The following SLC4A4 variants were observed in gnomAD, a reference collection of about 807,000 sequenced individuals.
SLC4A4 encodes the protein electrogenic sodium bicarbonate cotransporter 1.
A neutral mutation model predicts 111.5 loss-of-function variants in SLC4A4; 27 were observed. That is an observed-to-expected ratio of 0.24 (90% CI 0.18 to 0.33). The LOEUF (loss-of-function observed/expected upper bound fraction) is 0.33. SLC4A4 is among the 10% of genes least tolerant of loss of function. The pLI, the probability that SLC4A4 is intolerant of heterozygous loss-of-function variation, is 1.00. For missense variants in SLC4A4, 909 were observed against 1,315.5 expected (o/e 0.69, Z 4.78); for synonymous variants, 443 against 463.4 (o/e 0.96, Z 0.57).
chr4:71,075,709 C>G (rs1741793074), intron 1 of SLC4A4, among the ~76,000 whole-genome samples: 1 of 152,138 alleles, frequency 6.6e-6, no homozygotes, highest in Non-Finnish European at 1.5e-5. Flanking sequence ...GTGGCTCACG[C>G]CTGTAATCCC....
chr4:71,517,318 A>C lies in SLC4A4; in HGVS notation c.2167-14744A>C, dbSNP rs536888371. Among the ~76,000 whole-genome samples, 12 of 151,838 alleles carry C rather than the reference A, an allele frequency of 7.9e-5. 1 individual carries two copies. The highest frequency in any genetic ancestry group is 2.7e-4 in the African/African-American group (11 of 41,462). On this transcript the variant is annotated intron_variant, in intron 16 of 25. Transcript: ENST00000264485. ...TTTTCTCTACTGACTATATATTTTCAAATAACTTGTCTTTAAGTTCACAGA... is the reference window on the plus strand; with the variant it reads ...TTTTCTCTACTGACTATATATTTTCCAATAACTTGTCTTTAAGTTCACAGA...
intron 12 of SLC4A4, among the ~76,000 whole-genome samples, chr4:71,457,400 A>G (rs1327091780): frequency 2.0e-5 from 3 of 152,120 alleles, no homozygotes; most frequent in Non-Finnish European, 4.4e-5. Flanking sequence ...GACTTACAGA[A>G]TGGGTATTCA....
At chr4:71,138,239 A>G (rs1203650730) in intron 2 of SLC4A4, among the ~76,000 whole-genome samples, 1 of 152,178 alleles carries the variant, frequency 6.6e-6, no homozygotes, top group Non-Finnish European at 1.5e-5. Flanking sequence ...TATCACCTCT[A>G]TTAATATATT....
In SLC4A4 at chr4:71,472,735, G is replaced by T. The variant is rs1728000458; in HGVS notation, c.1668G>T (p.Trp556Cys). Residue 556 changes from tryptophan to cysteine, a missense_variant, in exon 14 of 26, where the codon TGG becomes TGT. Transcript: ENST00000264485. ...NNFDYLEFRLWIGLWSAFLCL... is the reference protein window; with the variant it reads ...NNFDYLEFRLCIGLWSAFLCL... The stretch of plus-strand genomic sequence containing the variant: ...TTGACTATTTGGAGTTTCGCCTTTG[G>T]ATTGGCCTGTGGTCCGCCTTCCTAT... 1.2e-6 allele frequency: 2 copies of T among 1,612,654 alleles called. No homozygotes were observed. Among genetic ancestry groups the T allele is most frequent in the Non-Finnish European group, 1.7e-6 (2 of 1,179,262 alleles).
Position 71,557,696 on chromosome 4 carries a change from C to T in SLC4A4, c.2764-16C>T. ...TGCAGTAATGCAGTTGGACTCCTTT[C>T]CTCTTTCCTCCCCAGTTCATGGATC... is the stretch of plus-strand genomic sequence containing the variant. On this transcript the variant is annotated splice_polypyrimidine_tract_variant and intron_variant, in intron 21 of 25. Coordinates refer to ENST00000264485, the MANE Select transcript of SLC4A4 (RefSeq NM_001098484.3). 6.2e-7 allele frequency: 1 copy of T among 1,612,214 alleles called. No individual in the cohort carries two copies. Among genetic ancestry groups the T allele is most frequent in the Non-Finnish European group, 8.5e-7 (1 of 1,178,894 alleles).
At chr4:71,340,124 T>G (rs1728774931) in intron 4 of SLC4A4, among the ~76,000 whole-genome samples, 1 of 151,860 alleles carries the variant, frequency 6.6e-6, no homozygotes, top group African/African-American at 2.4e-5. Context: ...CTCAGGAGGC[T>G]GAAGTAGGAG....
chr4:71,445,794 A>G (rs527822921), intron 8 of SLC4A4, among the ~76,000 whole-genome samples: 2 of 152,354 alleles, frequency 1.3e-5, no homozygotes, highest in East Asian at 1.9e-4. Context: ...CACTCAAATC[A>G]GTGATCAGTC....
intron 7 of SLC4A4, among the ~76,000 whole-genome samples, chr4:71,419,298 G>T (rs1248043723): frequency 6.6e-6 from 1 of 152,242 alleles, no homozygotes; most frequent in African/African-American, 2.4e-5. Context: ...GCCCCCAGAG[G>T]TGGAGCCTAC....
At chr4:71,115,075 C>T (rs1339104281) in intron 2 of SLC4A4, among the ~76,000 whole-genome samples, 1 of 147,656 alleles carries the variant, frequency 6.8e-6, no homozygotes, top group Non-Finnish European at 1.5e-5. Flanking sequence ...TCTCAGTAAA[C>T]TATCGCAAGA....
At chr4:71,529,617 C>G (rs1733742251) in intron 16 of SLC4A4, among the ~76,000 whole-genome samples, 1 of 152,026 alleles carries the variant, frequency 6.6e-6, no homozygotes, top group African/African-American at 2.4e-5. Context: ...TGACTTTGGT[C>G]AAGCAAGTCA....
intron 6 of SLC4A4, among the ~76,000 whole-genome samples, chr4:71,385,930 T>A (rs1256956610): frequency 6.6e-6 from 1 of 152,194 alleles, no homozygotes; most frequent in Non-Finnish European, 1.5e-5. Flanking sequence ...ATCTCTTTTT[T>A]TCTTAGTTAA....
At chr4:71,321,862 G>A (rs147262893) in intron 3 of SLC4A4, among the ~76,000 whole-genome samples, 56 of 152,028 alleles carry the variant, frequency 3.7e-4, no homozygotes, top group Admixed American at 1.5e-3. Context: ...CATAGCACAA[G>A]GCAAATGAAG....
At chr4:71,080,863 A>G (rs925619407) in intron 1 of SLC4A4, among the ~76,000 whole-genome samples, 1 of 152,002 alleles carries the variant, frequency 6.6e-6, no homozygotes, top group Admixed American at 6.5e-5. Flanking sequence ...TCCATTTAAA[A>G]CAGGCTCAGG....
At chr4:71,170,118 G>T (rs755282663) in intron 2 of SLC4A4, among the ~76,000 whole-genome samples, 15 of 152,134 alleles carry the variant, frequency 9.9e-5, no homozygotes, top group South Asian at 8.3e-4. Context: ...GGCCTTCCCT[G>T]TCCAGCCAAT....
intron 7 of SLC4A4, among the ~76,000 whole-genome samples, chr4:71,428,113 G>T (rs751509152): frequency 6.6e-6 from 1 of 152,104 alleles, no homozygotes; most frequent in African/African-American, 2.4e-5. Context: ...GGCAGAGGCC[G>T]GAACCTGGTA....
intron 6 of SLC4A4, among the ~76,000 whole-genome samples, chr4:71,377,972 A>G (rs1732570910): frequency 6.6e-6 from 1 of 152,156 alleles, no homozygotes; most frequent in South Asian, 2.1e-4. Flanking sequence ...ATATGGTAAG[A>G]GAAAATGAGG....
intron 2 of SLC4A4, among the ~76,000 whole-genome samples, chr4:71,165,880 G>GA (rs113771216): frequency 0.014 from 2,102 of 148,272 alleles, 45 homozygotes; most frequent in African/African-American, 0.048. Flanking sequence ...GGAAAGAAAT[G>GA]AAAAAAAAAA....
chr4:71,276,354 G>A (rs1238575447), intron 3 of SLC4A4, among the ~76,000 whole-genome samples: 1 of 152,144 alleles, frequency 6.6e-6, no homozygotes, highest in African/African-American at 2.4e-5. Flanking sequence ...ATATAATTTT[G>A]TCATGTATAC....
At chr4:71,212,923 T>C (rs763845270) in intron 1 of SLC4A4, among the ~76,000 whole-genome samples, 18 of 152,204 alleles carry the variant, frequency 1.2e-4, no homozygotes, top group Non-Finnish European at 2.6e-4. Context: ...CCCATAAATT[T>C]ATATTATTGT....
Sources: gnomAD v4.1 joint callset for allele counts (sites outside exome capture counted in the v4.1 genomes callset) on GRCh38, gnomAD v4.1.1 for gene constraint, MANE v1.5 for transcripts, NCBI Gene and HGNC (gene_info 2026-07-23, HGNC 2026-07-21) for gene names.